ACSL4: variants seen among roughly 807,000 people sequenced by gnomAD.
The protein encoded by ACSL4 is long-chain-fatty-acid--CoA ligase 4.
Under a neutral mutation model 49.1 loss-of-function variants are expected in ACSL4, and 9 were observed. The ratio of observed to expected loss-of-function variants is 0.18; its 90% CI spans 0.11 to 0.32. ACSL4 has a LOEUF of 0.32. Among genes scored for constraint, ACSL4 ranks in the 10% least tolerant of loss-of-function variants. The probability of loss-of-function intolerance (pLI) is 1.00; values close to 1 mark genes in which losing one functional copy is unlikely to be tolerated. For missense variants in ACSL4, 333 were observed against 493.7 expected, an observed-to-expected ratio of 0.67 and a Z score of 3.08; for synonymous variants, 191 against 170.3, an observed-to-expected ratio of 1.12 and a Z score of -0.95.
At chrX:109,711,311 G>C (rs1450651408) in intron 1 of ACSL4, among the ~76,000 whole-genome samples, 2 of 111,990 alleles carry the variant, frequency 1.8e-5, no homozygotes, top group African/African-American at 6.5e-5. Context: ...ACCAGACACA[G>C]ACCATTCCAT....
Position 109,694,539 on chromosome X carries a change from AGTT to A in ACSL4, c.-13+1602_-13+1604del, listed in dbSNP as rs770871898. Among the ~76,000 whole-genome samples, 367 of 111,941 alleles carry A rather than the reference AGTT, an allele frequency of 3.3e-3. 2 individuals are homozygous for A. The highest frequency in any genetic ancestry group is 0.011 in the African/African-American group (336 of 30,839). Reference sequence around the variant, plus strand: ...GGGGGGAAATGACACAGAGCTACCAAGTTGTTGTTGTTGTTTTGCCAGGCATGA... The same window carrying A: ...GGGGGGAAATGACACAGAGCTACCAAGTTGTTGTTGTTTTGCCAGGCATGA... On this transcript the variant is annotated intron_variant, in intron 2 of 15. Transcript: ENST00000672401.
At chrX:109,654,217 A>G (rs978064299) in intron 15 of ACSL4, among the ~76,000 whole-genome samples, 15 of 110,596 alleles carry the variant, frequency 1.4e-4, no homozygotes, top group African/African-American at 4.9e-4. Flanking sequence ...ATTTACTGAC[A>G]CAGAAAAACT....
At position 109,713,248 on chromosome X, in the gene ACSL4, T is replaced by C. The variant is rs1189902989; in HGVS notation, c.-65-17052A>G. On this transcript the variant is annotated intron_variant, in intron 1 of 15. Coordinates refer to ENST00000672401, the MANE Select transcript of ACSL4 (RefSeq NM_001318510.2). The stretch of plus-strand genomic sequence containing the variant: ...AGGATAGAGGACCATCAGGCTCTCT[T>C]GCAGAGCTTAGGTGAAAACTCAGAA... 2.7e-5 allele frequency among the ~76,000 whole-genome samples: 3 copies of C among 111,989 alleles called. No individual in the cohort carries two copies. In the Admixed American group the frequency reaches 2.8e-4, roughly 11 times the overall value.
At chrX:109,720,196 G>A (rs1222870121) in intron 1 of ACSL4, among the ~76,000 whole-genome samples, 1 of 109,123 alleles carries the variant, frequency 9.2e-6, no homozygotes, top group Non-Finnish European at 1.9e-5. Flanking sequence ...TGGGCGTGGT[G>A]GCACAGGCCT....
chrX:109,688,896 C>A (rs1291232383), intron 2 of ACSL4, among the ~76,000 whole-genome samples: 4 of 109,196 alleles, frequency 3.7e-5, no homozygotes, highest in Admixed American at 2.9e-4. Flanking sequence ...TTGAACCTCA[C>A]AATTTTAAAT....
Position 109,650,501 on chromosome X carries a change from G to T in ACSL4, c.1856-6315C>A, listed in dbSNP as rs915522362. On this transcript the variant is annotated intron_variant, in intron 15 of 15. Transcript: ENST00000672401. Reference sequence around the variant, plus strand: ...ATGAGAACACGTGGACACAGGAAGGGGAACATCACACTCTGGGGACTGTTG... The same window carrying T: ...ATGAGAACACGTGGACACAGGAAGGTGAACATCACACTCTGGGGACTGTTG... Among the ~76,000 whole-genome samples, 157 of 95,329 alleles carry T rather than the reference G, an allele frequency of 1.6e-3. 1 individual carries two copies. Among genetic ancestry groups the T allele is most frequent in the African/African-American group, 5.7e-3 (147 of 25,647 alleles). 82.8% of individuals were successfully genotyped at this position (95,329 alleles called of 115,157 possible).
chrX:109,707,634 C>T (rs1455381245), intron 1 of ACSL4, among the ~76,000 whole-genome samples: 2 of 109,243 alleles, frequency 1.8e-5, no homozygotes, highest in Non-Finnish European at 3.8e-5. Flanking sequence ...GGACCCCTAT[C>T]CTAAAGGAAA....
intron 1 of ACSL4, chrX:109,732,884 T>C (rs1928583487): frequency 3.9e-6 from 1 of 254,626 alleles, no homozygotes; most frequent in Non-Finnish European, 7.4e-6. Flanking sequence ...AGAGGCAGGC[T>C]GGGGTTCCGA....
chrX:109,679,367 G>C (rs1406113028), intron 6 of ACSL4, among the ~76,000 whole-genome samples: 1 of 111,999 alleles, frequency 8.9e-6, no homozygotes, highest in Non-Finnish European at 1.9e-5. Context: ...TATATCATCA[G>C]AATGAAATAC....
intron 9 of ACSL4, among the ~76,000 whole-genome samples, chrX:109,672,839 G>A (rs974040428): frequency 1.7e-4 from 19 of 110,584 alleles, no homozygotes; most frequent in African/African-American, 5.9e-4. Context: ...CAACGGGAAG[G>A]AGACTATCCA....
At chrX:109,689,595 G>T (rs745483261) in intron 2 of ACSL4, among the ~76,000 whole-genome samples, 34 of 111,963 alleles carry the variant, frequency 3.0e-4, no homozygotes, top group African/African-American at 1.0e-3. Flanking sequence ...TTGTACTTGA[G>T]GTTCTCTCTG....
At chrX:109,732,594 CG>C (rs1928553620) in intron 1 of ACSL4, among the ~76,000 whole-genome samples, 1 of 111,837 alleles carries the variant, frequency 8.9e-6, no homozygotes, top group Admixed American at 9.4e-5. Flanking sequence ...CCTAAGCCTA[CG>C]GAAGCTAGGA....
intron 13 of ACSL4, among the ~76,000 whole-genome samples, chrX:109,662,837 T>C (rs978840219): frequency 3.6e-5 from 4 of 111,310 alleles, no homozygotes; most frequent in Admixed American, 2.9e-4. Context: ...AACAGTTATA[T>C]AAAATCACAT....
At chrX:109,668,924 G>T in intron 10 of ACSL4, 110 bp downstream of exon 10, 1 of 629,589 alleles carries the variant, frequency 1.6e-6, no homozygotes, top group Non-Finnish European at 2.5e-6. Flanking sequence ...TTATGATCAT[G>T]GTGGTGATAT....
intron 9 of ACSL4, among the ~76,000 whole-genome samples, chrX:109,672,487 C>A (rs866117449): frequency 8.9e-6 from 1 of 111,733 alleles, no homozygotes; most frequent in Non-Finnish European, 1.9e-5. Context: ...CCTAACATTA[C>A]ATGATGTTCA....
chrX:109,694,092 C>T (rs943607029), intron 2 of ACSL4, among the ~76,000 whole-genome samples: 5 of 112,106 alleles, frequency 4.5e-5, no homozygotes, highest in Non-Finnish European at 7.5e-5. Context: ...TAGCGTGTAA[C>T]ACCTAAGTAG....
At position 109,674,226 on chromosome X, in the gene ACSL4, G is replaced by A. The variant is rs774483861; in HGVS notation, c.1002+176C>T. Among the ~76,000 whole-genome samples, 13 of 111,898 alleles carry A rather than the reference G, an allele frequency of 1.2e-4. No homozygotes were observed. The South Asian group carries it at 2.2e-3, about 19-fold the overall frequency. On this transcript the variant is annotated intron_variant, in intron 9 of 15. Transcript: ENST00000672401. Reference sequence around the variant, plus strand: ...GTGCATTTCAAAATCTTGCCATTTTGTCTTCCCTAGTATGGTACCTAAGAT... The same window carrying A: ...GTGCATTTCAAAATCTTGCCATTTTATCTTCCCTAGTATGGTACCTAAGAT...
intron 11 of ACSL4, among the ~76,000 whole-genome samples, chrX:109,666,857 G>A (rs991687621): frequency 8.9e-6 from 1 of 112,281 alleles, no homozygotes; most frequent in African/African-American, 3.2e-5. Context: ...GGAGGTTGCA[G>A]TGAGCTGAGA....
intron 1 of ACSL4, among the ~76,000 whole-genome samples, chrX:109,698,563 T>G (rs1925626032): frequency 9.0e-6 from 1 of 111,218 alleles, no homozygotes; most frequent in Non-Finnish European, 1.9e-5. Context: ...CTAGCAAATT[T>G]TTAACAGACT....
Sources: allele counts gnomAD v4.1 joint callset (sites outside exome capture counted in the v4.1 genomes callset), GRCh38; gene constraint gnomAD v4.1.1; transcripts MANE v1.5; gene names NCBI Gene and HGNC (gene_info 2026-07-23, HGNC 2026-07-21).